The following C1orf21 variants were observed in gnomAD, a reference collection of about 807,000 sequenced individuals.
The protein encoded by C1orf21 is chromosome 1 open reading frame 21.
C1orf21 carries 3 observed loss-of-function variants against 18.7 expected under a neutral mutation model. The ratio of observed to expected loss-of-function variants is 0.16; its 90% CI spans 0.07 to 0.42. The LOEUF (loss-of-function observed/expected upper bound fraction) is 0.42, where lower values mean the gene tolerates loss of function less well. Ranked by LOEUF, C1orf21 falls within the 10% of genes least tolerant of loss-of-function variation. The pLI, the probability that C1orf21 is intolerant of heterozygous loss-of-function variation, is 0.99. For synonymous variants in C1orf21, 41 were observed against 46.4 expected (o/e 0.88, Z 0.47); for missense variants, 104 against 143.6 (o/e 0.72, Z 1.41).
intron 3 of C1orf21, among the ~76,000 whole-genome samples, chr1:184,514,182 A>G (rs1255539770): frequency 2.0e-5 from 3 of 152,166 alleles, no homozygotes; most frequent in Admixed American, 1.3e-4. Context: ...GTGCATGCCA[A>G]TAGTCCCAGT....
intron 1 of C1orf21, among the ~76,000 whole-genome samples, chr1:184,439,851 T>C (rs1490105347): frequency 6.6e-6 from 1 of 152,154 alleles, no homozygotes; most frequent in Non-Finnish European, 1.5e-5. Flanking sequence ...ACAAAGATGG[T>C]CAAAAGAAAG....
intron 5 of C1orf21, among the ~76,000 whole-genome samples, chr1:184,618,644 C>CA (rs11395747): frequency 0.076 from 11,363 of 148,850 alleles, 530 homozygotes; most frequent in Non-Finnish European, 0.088. Flanking sequence ...ATTCCCCCCC[C>CA]CCAAGAAAAA....
At chr1:184,474,718 CT>C (rs1335037189) in intron 1 of C1orf21, among the ~76,000 whole-genome samples, 3 of 152,170 alleles carry the variant, frequency 2.0e-5, no homozygotes, top group African/African-American at 4.8e-5. Context: ...GGATTGCCCC[CT>C]CTCTCCTGTT....
At position 184,624,627 on chromosome 1, in the gene C1orf21, C is replaced by G. The variant is rs1659977066; in HGVS notation, c.*5071C>G. 1 of 152,130 alleles carries G rather than the reference C, an allele frequency of 6.6e-6. No homozygotes were observed. The highest frequency in any genetic ancestry group is 1.9e-4 in the East Asian group (1 of 5,184). The allele number at this position is 152,130 out of a possible 1,614,324, so 9.4% of individuals were successfully genotyped here. On this transcript the variant is annotated 3_prime_UTR_variant, in exon 6 of 6. Coordinates refer to ENST00000235307, the MANE Select transcript of C1orf21 (RefSeq NM_030806.4). ...TTGCATTGAAATCCTTTCTTGTGGG[C>G]TAGGGTTTGATGTCTCTTTTTCATC...
At chr1:184,446,400 C>T (rs1429616353) in intron 1 of C1orf21, among the ~76,000 whole-genome samples, 1 of 151,982 alleles carries the variant, frequency 6.6e-6, no homozygotes, top group Non-Finnish European at 1.5e-5. Flanking sequence ...TTTAAGAAAT[C>T]CTACTTTTGT....
chr1:184,555,700 G>C (rs1319825896), intron 3 of C1orf21, among the ~76,000 whole-genome samples: 1 of 152,114 alleles, frequency 6.6e-6, no homozygotes, highest in Non-Finnish European at 1.5e-5. Flanking sequence ...CAAGGAGTTG[G>C]GGGAGGAGGA....
At chr1:184,502,492 TTTTCA>T (rs1216598698) in intron 2 of C1orf21, among the ~76,000 whole-genome samples, 3 of 152,100 alleles carry the variant, frequency 2.0e-5, no homozygotes, top group African/African-American at 7.2e-5. Flanking sequence ...ACCACAGGGC[TTTTCA>T]TTTCTTTTTT....
At position 184,567,251 on chromosome 1, in the gene C1orf21, C is replaced by T. The variant is rs138774533; in HGVS notation, c.190-23488C>T. 22 of 465,384 alleles carry T rather than the reference C, an allele frequency of 4.7e-5. No individual in the cohort carries two copies. In the East Asian group the frequency reaches 1.2e-3, roughly 24 times the overall value. The allele number at this position is 465,384 out of a possible 1,614,324, so 28.8% of individuals were successfully genotyped here. ...CCAGGAATTAAGTCCAGAGGAGCTC[C>T]ATGTTCAGAAGGAGACTGTAAAGGA... On this transcript the variant is annotated intron_variant, in intron 3 of 5. Transcript: ENST00000235307.
In C1orf21 at chr1:184,590,832, G is replaced by C. The variant is rs1299612921; in HGVS notation, c.266+17G>C. On this transcript the variant is annotated intron_variant, in intron 4 of 5. Coordinates refer to ENST00000235307, the MANE Select transcript of C1orf21 (RefSeq NM_030806.4). ...CAGAGCAAAGTAAGTTCTAGTTTCT[G>C]TTTTCCTTATATAGTCGGCCTTCCA... 1 of 1,603,420 alleles carries C rather than the reference G, an allele frequency of 6.2e-7. No individual in the cohort carries two copies. Among genetic ancestry groups the C allele is most frequent in the Non-Finnish European group, 8.5e-7 (1 of 1,170,560 alleles).
At chr1:184,461,851 C>A (rs1044336906) in intron 1 of C1orf21, among the ~76,000 whole-genome samples, 4 of 151,808 alleles carry the variant, frequency 2.6e-5, no homozygotes, top group African/African-American at 9.7e-5. Context: ...TAAAAAAAAA[C>A]AAAACAAAAC....
intron 3 of C1orf21, among the ~76,000 whole-genome samples, chr1:184,570,794 G>A (rs1041924693): frequency 6.6e-6 from 1 of 152,130 alleles, no homozygotes; most frequent in African/African-American, 2.4e-5. Context: ...ACCAGGAAAC[G>A]TTCAAAGAAA....
intron 2 of C1orf21, among the ~76,000 whole-genome samples, chr1:184,489,445 T>C (rs1277047805): frequency 2.0e-5 from 3 of 152,142 alleles, no homozygotes; most frequent in African/African-American, 7.2e-5. Context: ...CAGGAACAGG[T>C]GGCATCTGTC....
chr1:184,571,124 T>C (rs1282662090), intron 3 of C1orf21, among the ~76,000 whole-genome samples: 1 of 151,546 alleles, frequency 6.6e-6, no homozygotes. Flanking sequence ...AAACCCCGTC[T>C]CTACTAAAAA....
intron 1 of C1orf21, among the ~76,000 whole-genome samples, chr1:184,437,762 A>G (rs1017219808): frequency 1.3e-5 from 2 of 152,128 alleles, no homozygotes; most frequent in Admixed American, 6.6e-5. Flanking sequence ...ATTGTAATAT[A>G]TAATGAAATA....
At chr1:184,528,508 A>C (rs1386209147) in intron 3 of C1orf21, among the ~76,000 whole-genome samples, 1 of 151,998 alleles carries the variant, frequency 6.6e-6, no homozygotes, top group African/African-American at 2.4e-5. Context: ...GCAATGGTGC[A>C]ATCTCAGCTC....
intron 3 of C1orf21, among the ~76,000 whole-genome samples, chr1:184,542,945 C>T (rs548114606): frequency 1.3e-5 from 2 of 152,272 alleles, no homozygotes; most frequent in South Asian, 4.1e-4. Context: ...CCTTCTTTGA[C>T]TGTTATTGGG....
intron 1 of C1orf21, among the ~76,000 whole-genome samples, chr1:184,468,105 T>TA (rs528378206): frequency 3.9e-5 from 6 of 152,310 alleles, no homozygotes; most frequent in Non-Finnish European, 4.4e-5. Flanking sequence ...AAGAGGGTTT[T>TA]ATGTTTACTT....
intron 3 of C1orf21, among the ~76,000 whole-genome samples, chr1:184,552,447 C>T (rs1026954902): frequency 6.6e-6 from 1 of 152,168 alleles, no homozygotes; most frequent in African/African-American, 2.4e-5. Context: ...AGGAGTCAGG[C>T]ACTCATATTC....
intron 3 of C1orf21, among the ~76,000 whole-genome samples, chr1:184,537,573 GT>G (rs1471579529): frequency 1.3e-5 from 2 of 152,144 alleles, no homozygotes; most frequent in African/African-American, 4.8e-5. Context: ...TTGTCTCCAT[GT>G]TTTAGCTATT....
Sources: allele counts gnomAD v4.1 joint callset (sites outside exome capture counted in the v4.1 genomes callset), GRCh38; gene constraint gnomAD v4.1.1; transcripts MANE v1.5; gene names NCBI Gene and HGNC (gene_info 2026-07-23, HGNC 2026-07-21).